ANO7: variants seen among roughly 807,000 people sequenced by gnomAD.
The protein encoded by ANO7 is anoctamin-7.
A neutral mutation model predicts 115.8 loss-of-function variants in ANO7; 114 were observed. The observed-to-expected ratio is 0.98, with a 90% CI of 0.85 to 1.15. The LOEUF (loss-of-function observed/expected upper bound fraction) is 1.15, where lower values mean the gene tolerates loss of function less well. Among genes scored for constraint, ANO7 ranks in the 50% most tolerant of loss-of-function variants. ANO7 has a pLI of 0.00. For missense variants in ANO7, 1,302 were observed against 1,201.2 expected (o/e 1.08, Z -1.24); for synonymous variants, 550 against 498.2 (o/e 1.10, Z -1.38).
chr2:241,218,715 A>T (rs1304518794), intron 21 of ANO7, among the ~76,000 whole-genome samples: 1 of 152,232 alleles, frequency 6.6e-6, no homozygotes, highest in Admixed American at 6.5e-5. Context: ...GGGCGTCGGC[A>T]GACTCGTGTC....
At chr2:241,190,683 G>A (rs1026840619) in intron 2 of ANO7, among the ~76,000 whole-genome samples, 2 of 152,178 alleles carry the variant, frequency 1.3e-5, no homozygotes, top group Non-Finnish European at 2.9e-5. Context: ...CCTGCGGGTG[G>A]ACACGGGACC....
rs1323966417 is a variant in ANO7 at position 241,191,346 on chromosome 2, T to C, written c.166+95T>C. The C allele has an allele frequency of 6.1e-6, 9 of 1,486,814 alleles. No homozygotes were observed. The Admixed American group carries it at 1.6e-4, about 26-fold the overall frequency. The allele number at this position is 1,486,814 out of a possible 1,614,324, so 92.1% of individuals were successfully genotyped here. A position where few individuals can be genotyped will look rare whatever the true frequency, so the allele number is the denominator to read the frequency against. ...CCAGGGGCAGCAGGCTGGGGTAGCC[T>C]CCTCAGTAGCCACTCTGGGGCCAGT... On this transcript the variant is annotated intron_variant, in intron 3 of 24. Transcript: ENST00000674324.
At chr2:241,234,982 G>A in the ANO7 span, 27 of 981,084 alleles carry the variant, frequency 2.8e-5, no homozygotes, top group Middle Eastern at 3.2e-4. Flanking sequence ...TGCTGACTGC[G>A]TCCTGGCACT....
In ANO7 at chr2:241,209,860, G is replaced by A. The variant is rs574834541; in HGVS notation, c.1359+225G>A. On this transcript the variant is annotated intron_variant, in intron 13 of 24. Transcript: ENST00000674324. ...CCTGGGAGGGTCTCCCCGTGGGTGC[G>A]GGCATGGGGCATTTTTCAAGCAAGG... Among the ~76,000 whole-genome samples, 387 of 152,252 alleles carry A rather than the reference G, an allele frequency of 2.5e-3. 1 individual carries two copies. Among genetic ancestry groups the A allele is most frequent in the African/African-American group, 9.0e-3 (372 of 41,560 alleles).
chr2:241,219,744 T>TC (rs2068964072), intron 21 of ANO7, among the ~76,000 whole-genome samples: 2 of 151,052 alleles, frequency 1.3e-5, no homozygotes, highest in South Asian at 4.2e-4. Context: ...TTTTTTTTTT[T>TC]TTTTTTCTTT....
rs2068792112 is a variant in ANO7, at chr2:241,214,910, C to T, written c.1826+8C>T. ...GCAGGAGGTCCTCATCCCGTGAGTC[C>T]CCCACTCCTCCCTGGGTGGCATCCA... On this transcript the variant is annotated splice_region_variant and intron_variant, in intron 18 of 24. Coordinates refer to ENST00000674324, the MANE Select transcript of ANO7 (RefSeq NM_001370694.2). 6.2e-7 allele frequency: 1 copy of T among 1,610,710 alleles called. No homozygotes were observed. The highest frequency in any genetic ancestry group is 8.5e-7 in the Non-Finnish European group (1 of 1,179,426).
downstream of ANO7, chr2:241,229,521 C>T (rs978949931): frequency 3.0e-5 from 31 of 1,046,788 alleles, no homozygotes; most frequent in East Asian, 9.8e-5. Flanking sequence ...AGGGTCCAGC[C>T]GCTGGGTCAG....
chr2:241,236,354 G>A, the ANO7 span: 288 of 514,322 alleles, frequency 5.6e-4, 1 homozygote, highest in Non-Finnish European at 8.5e-4. Context: ...CGCACCCACC[G>A]TGGGCCTGAG....
intron 6 of ANO7, 136 bp from the exon 7 acceptor site, chr2:241,201,162 C>A: frequency 1.0e-6 from 1 of 992,934 alleles, no homozygotes. Flanking sequence ...CAGGCCTGTG[C>A]TTCTGCGTGC....
At position 241,217,674 on chromosome 2, in the gene ANO7, C is replaced by T. The variant is rs151090828; in HGVS notation, c.1973-12C>T. ...GGTGGCGGAGAGCCCGGCCGTGACC[C>T]CCTCCCCGCAGTGCTGCAGTTCGGC... is the stretch of plus-strand genomic sequence containing the variant. On this transcript the variant is annotated splice_polypyrimidine_tract_variant and intron_variant, in intron 19 of 24. Transcript: ENST00000674324. 6.4e-6 allele frequency: 10 copies of T among 1,570,290 alleles called. No individual in the cohort carries two copies. The South Asian group carries it at 1.0e-4, about 16-fold the overall frequency.
intron 4 of ANO7, 37 bp from the exon 5 acceptor site, chr2:241,199,279 C>G (rs2068413102): frequency 1.3e-6 from 2 of 1,577,312 alleles, no homozygotes; most frequent in Non-Finnish European, 1.7e-6. Context: ...TGCACACATG[C>G]ACCCTCAGGC....
At chr2:241,212,502 C>G (rs2068739151) in intron 16 of ANO7, 70 bp from the exon 17 acceptor site, 1 of 1,526,472 alleles carries the variant, frequency 6.6e-7, no homozygotes, top group African/African-American at 1.4e-5. Context: ...GCTGAGGCCT[C>G]CAGAGCCCAG....
In ANO7 at chr2:241,190,117, C is replaced by T. The variant is rs2068158936; in HGVS notation, c.54C>T (p.Ser18=). 2 of 1,581,164 alleles carry T rather than the reference C, an allele frequency of 1.3e-6. No individual in the cohort carries two copies. Among genetic ancestry groups the T allele is most frequent in the Non-Finnish European group, 1.7e-6 (2 of 1,163,908 alleles). ...EEDSTVLIDV[S]PPEAEKRGSY... The stretch of plus-strand genomic sequence containing the variant: ...ACAGCACCGTCCTGATCGATGTGAG[C>T]CCCCCTGAGGCAGAGAAGAGGGGCT... The change falls in exon 2 of 25, where the codon AGC becomes AGT. Residue 18 remains serine, a synonymous_variant. Coordinates refer to ENST00000674324, the MANE Select transcript of ANO7 (RefSeq NM_001370694.2).
intron 19 of ANO7, among the ~76,000 whole-genome samples, chr2:241,217,208 T>C (rs2068852145): frequency 6.6e-6 from 1 of 152,088 alleles, no homozygotes. Flanking sequence ...GCGGCATCTG[T>C]GGAAAGGGAG....
At chr2:241,196,287 G>A (rs11674746) in intron 4 of ANO7, 446,434 of 585,560 alleles carry the variant, frequency 0.76, 174,032 homozygotes, top group Non-Finnish European at 0.8. Context: ...CAACAGGTCC[G>A]GGGAGCGTGA....
the ANO7 span, chr2:241,239,470 A>G: frequency 2.9e-6 from 2 of 687,150 alleles, no homozygotes; most frequent in Admixed American, 5.1e-5. The surrounding 1 kb of genome is among the most constrained non-coding windows in gnomAD (Gnocchi z 4.6). Flanking sequence ...AGCACCAGAA[A>G]GCCCCTTCTG....
chr2:241,223,094 G>A, intron 21 of ANO7, 92 bp from the exon 22 acceptor site: 1 of 1,152,940 alleles, frequency 8.7e-7, no homozygotes, highest in Non-Finnish European at 1.3e-6. Context: ...GAGCGAAATG[G>A]TGGAAAAAGG....
chr2:241,236,344 C>T, the ANO7 span: 11 of 501,346 alleles, frequency 2.2e-5, no homozygotes, highest in East Asian at 1.8e-4. Flanking sequence ...CCACAGCCCC[C>T]GCACCCACCG....
Position 241,212,140 on chromosome 2 carries a change from G to C in ANO7, c.1608G>C (p.Lys536Asn). Reference protein sequence around the residue: ...QTKFEDAFTLKVFIFQFVNFY... With the variant: ...QTKFEDAFTLNVFIFQFVNFY... ...AGTTCGAGGACGCCTTCACCCTCAA[G>C]GTGTTCATCTTCCAGTTCGTCAACT... is the stretch of plus-strand genomic sequence containing the variant. Residue 536 changes from lysine to asparagine, a missense_variant, in exon 16 of 25, where the codon AAG becomes AAC. Coordinates refer to ENST00000674324, the MANE Select transcript of ANO7 (RefSeq NM_001370694.2). The C allele has an allele frequency of 3.1e-6, 5 of 1,614,078 alleles. No individual in the cohort carries two copies. The highest frequency in any genetic ancestry group is 3.4e-6 in the Non-Finnish European group (4 of 1,180,004).
Sources: allele counts gnomAD v4.1 joint callset (sites outside exome capture counted in the v4.1 genomes callset), GRCh38; gene constraint gnomAD v4.1.1; non-coding constraint Gnocchi (gnomAD v3.1); transcripts MANE v1.5; gene names NCBI Gene and HGNC (gene_info 2026-07-23, HGNC 2026-07-21).